The following NRXN2 variants were observed in gnomAD, a reference collection of about 807,000 sequenced individuals.
The protein encoded by NRXN2 is neurexin 2, also known as neurexin-2-beta.
In NRXN2, 29 loss-of-function variants were observed where a neutral mutation model predicts 128.8. The ratio of observed to expected loss-of-function variants is 0.23; its 90% CI spans 0.17 to 0.31. The LOEUF is 0.31. Ranked by LOEUF, NRXN2 falls within the 10% of genes least tolerant of loss-of-function variation. NRXN2 has a pLI of 1.00. For synonymous variants in NRXN2, 1,098 were observed against 1,075.2 expected (o/e 1.02, Z -0.41); for missense variants, 1,881 against 2,452.6 (o/e 0.77, Z 4.92).
At chr11:64,677,088 C>A in intron 6 of NRXN2, 51 bp from the exon 7 acceptor site, 1 of 1,172,034 alleles carries the variant, frequency 8.5e-7, no homozygotes, top group Non-Finnish European at 1.3e-6. Context: ...CAAAAAACAA[C>A]AACAAACACA....
At position 64,623,148 on chromosome 11, in the gene NRXN2, A is replaced by G; in HGVS notation, c.3848-70T>C. The G allele has an allele frequency of 6.5e-7, 1 of 1,527,756 alleles. No homozygotes were observed. The highest frequency in any genetic ancestry group is 8.8e-7 in the Non-Finnish European group (1 of 1,133,346). 94.6% of individuals were successfully genotyped at this position (1,527,756 alleles called of 1,614,324 possible). A position where few individuals can be genotyped will look rare whatever the true frequency, so the allele number is the denominator to read the frequency against. On this transcript the variant is annotated intron_variant, in intron 20 of 22. Coordinates refer to ENST00000265459, the MANE Select transcript of NRXN2 (RefSeq NM_015080.4). The surrounding 1 kb of genome is among the most constrained non-coding windows in gnomAD (Gnocchi z 4.9). ...GGGGAGACCAGGAAGGGAAGGAAGA[A>G]AAGAAGGAAGCCAAGGAGAGGAAAG...
intron 9 of NRXN2, 145 bp from the exon 10 acceptor site, chr11:64,661,284 G>A (rs1012550330): frequency 3.3e-6 from 5 of 1,529,404 alleles, no homozygotes; most frequent in Non-Finnish European, 4.4e-6. Flanking sequence ...GCAGTCCTGG[G>A]CTGGAAGCTC....
chr11:64,716,038 C>A (rs967950837), intron 1 of NRXN2, among the ~76,000 whole-genome samples: 4 of 152,112 alleles, frequency 2.6e-5, no homozygotes, highest in Non-Finnish European at 5.9e-5. Flanking sequence ...TAGCCAAAGA[C>A]CCTCAGCAAA....
chr11:64,661,387 C>T, intron 9 of NRXN2: 1 of 1,416,860 alleles, frequency 7.1e-7, no homozygotes, highest in African/African-American at 1.4e-5. Context: ...ATGCTGTGGG[C>T]CTCTGTCCAT....
chr11:64,667,104 A>AAG lies in NRXN2; in HGVS notation c.1798+144_1798+145dup. On this transcript the variant is annotated intron_variant, in intron 9 of 22. Coordinates refer to ENST00000265459, the MANE Select transcript of NRXN2 (RefSeq NM_015080.4). The surrounding 1 kb of genome is among the most constrained non-coding windows in gnomAD (Gnocchi z 5.6). ...TCCGATGACAGAAAGGACAATTGGG[A>AAG]AGACGTGAGGGGGGTGGAGGAGAAG... 1 of 833,896 alleles carries AAG rather than the reference A, an allele frequency of 1.2e-6. No individual in the cohort carries two copies. Among genetic ancestry groups the AAG allele is most frequent in the South Asian group, 1.5e-5 (1 of 68,928 alleles). The allele number at this position is 833,896 out of a possible 1,614,324, so 51.7% of individuals were successfully genotyped here.
Position 64,661,004 on chromosome 11 carries a change from A to C in NRXN2, c.1934T>G (p.Val645Gly). 1 of 1,613,392 alleles carries C rather than the reference A, an allele frequency of 6.2e-7. No individual in the cohort carries two copies. Among genetic ancestry groups the C allele is most frequent in the Non-Finnish European group, 8.5e-7 (1 of 1,179,896 alleles). ...GCCTGCCCGGAGTGCTGCTGTCCACACCTCTGGGGGCAGGGGCAGGTCCAC... is the reference window on the plus strand; with the variant it reads ...GCCTGCCCGGAGTGCTGCTGTCCACCCCTCTGGGGGCAGGGGCAGGTCCAC... ...GRVDLPLPPEVWTAALRAGYV... is the reference protein window; with the variant it reads ...GRVDLPLPPEGWTAALRAGYV... The change falls in exon 10 of 23, where the codon GTG becomes GGG. Residue 645 changes from valine to glycine, a missense_variant. Val to Gly is a moderately radical substitution (Grantham distance 109, BLOSUM62 -3). Around this residue, in one of 7 missense-constraint regions of NRXN2, gnomAD observed 997 missense variants for 1,240.8 expected, o/e 0.80. Transcript: ENST00000265459.
At chr11:64,682,219 C>T (rs2135555236) in intron 6 of NRXN2, among the ~76,000 whole-genome samples, 1 of 149,772 alleles carries the variant, frequency 6.7e-6, no homozygotes, top group East Asian at 2.0e-4. Flanking sequence ...AGGACTCTGC[C>T]CCTGGGGCAG....
chr11:64,611,863 C>T (rs1030887770), intron 22 of NRXN2, among the ~76,000 whole-genome samples: 5 of 152,092 alleles, frequency 3.3e-5, no homozygotes, highest in African/African-American at 1.2e-4. Flanking sequence ...AAGGCTTTGA[C>T]TGTACGATCT....
At chr11:64,718,600 G>C (rs1298989909) in intron 1 of NRXN2, among the ~76,000 whole-genome samples, 1 of 152,166 alleles carries the variant, frequency 6.6e-6, no homozygotes, top group Non-Finnish European at 1.5e-5. Context: ...TGAGTTCCCC[G>C]TCTGTGGGGG....
rs541791384 is a variant in NRXN2, at chr11:64,623,870, C to T, written c.3848-792G>A. ...AAACCCGCTCCAGCTCCAATCTCAC[C>T]CCACACTCCAGTATGACACCTCAGA... On this transcript the variant is annotated intron_variant, in intron 20 of 22. Coordinates refer to ENST00000265459, the MANE Select transcript of NRXN2 (RefSeq NM_015080.4). The surrounding 1 kb of genome is among the most constrained non-coding windows in gnomAD (Gnocchi z 4.9). 187 of 152,340 alleles carry T rather than the reference C, an allele frequency of 1.2e-3. No individual in the cohort carries two copies. The highest frequency in any genetic ancestry group is 2.5e-3 in the Non-Finnish European group (171 of 68,152). 9.4% of individuals were successfully genotyped at this position (152,340 alleles called of 1,614,324 possible).
At position 64,607,700 on chromosome 11, in the gene NRXN2, G is replaced by GC; in HGVS notation, c.4634dup (p.Ala1546ArgfsTer44). The stretch of plus-strand genomic sequence containing the variant: ...AGGGGGCAAACAGCACCCCAGGGGC[G>GC]CCCGTGGCCCCATCTGTCCTGAGGT... On this transcript the variant is annotated frameshift_variant, in exon 23 of 23. Coordinates refer to ENST00000265459, the MANE Select transcript of NRXN2 (RefSeq NM_015080.4). LOFTEE classifies it low-confidence loss of function (END_TRUNC). 1 of 1,544,190 alleles carries GC rather than the reference G, an allele frequency of 6.5e-7. No homozygotes were observed. The highest frequency in any genetic ancestry group is 8.8e-7 in the Non-Finnish European group (1 of 1,142,100).
chr11:64,664,531 T>C (rs542732848), intron 9 of NRXN2, among the ~76,000 whole-genome samples: 1 of 152,336 alleles, frequency 6.6e-6, no homozygotes, highest in South Asian at 2.1e-4. Flanking sequence ...TGTTTTATTT[T>C]TCATTTCTTT....
chr11:64,711,989 C>T (rs2056943294), intron 2 of NRXN2, among the ~76,000 whole-genome samples: 1 of 152,218 alleles, frequency 6.6e-6, no homozygotes, highest in Admixed American at 6.5e-5. Flanking sequence ...ACGCCTAGGC[C>T]CTCATCCCTT....
Position 64,667,518 on chromosome 11 carries a change from G to A in NRXN2, c.1530C>T (p.Ser510=), listed in dbSNP as rs200583929. 1.3e-5 allele frequency: 21 copies of A among 1,613,974 alleles called. No individual in the cohort carries two copies. The highest frequency in any genetic ancestry group is 3.3e-5 in the South Asian group (3 of 91,092). ...PEAFVALPRW[S]AKRTGSISLD... ...GGGAGATGGAGCCAGTGCGCTTAGC[G>A]CTCCAGCGGGGCAGCGCCACAAAGG... Residue 510 remains serine, a synonymous_variant, in exon 9 of 23, where the codon AGC becomes AGT. Transcript: ENST00000265459. This position sits in a 1 kb window ranked among gnomAD's most constrained non-coding sequence, Gnocchi z 5.6.
At chr11:64,718,303 GC>G (rs1181555025) in intron 1 of NRXN2, among the ~76,000 whole-genome samples, 2 of 152,014 alleles carry the variant, frequency 1.3e-5, no homozygotes, top group African/African-American at 4.8e-5. Context: ...ACAAACACAC[GC>G]CCATACACAC....
rs1450061976 is a variant in NRXN2 at position 64,648,512 on chromosome 11, G to A, written c.3284-174C>T. ...CAGGAGGGTCAGGTCTGCTAGGCTT[G>A]GCCTTGGACTGTGACAAGGGGCCAG... On this transcript the variant is annotated intron_variant, in intron 16 of 22. Transcript: ENST00000265459. The surrounding 1 kb of genome is among the most constrained non-coding windows in gnomAD (Gnocchi z 4.1). Among the ~76,000 whole-genome samples the A allele has an allele frequency of 2.0e-5, 3 of 152,228 alleles. No individual in the cohort carries two copies. Among genetic ancestry groups the A allele is most frequent in the African/African-American group, 7.2e-5 (3 of 41,454 alleles).
chr11:64,626,526 T>C lies in NRXN2; in HGVS notation c.3784A>G (p.Ile1262Val), dbSNP rs1404000801. ...AGNFDNERLA[I>V]ARQRIPYRLG... ...CGGTAGGGGATTCTCTGTCTAGCAATCGCCAGGCGCTCGTTATCAAAGTTT... is the reference window on the plus strand; with the variant it reads ...CGGTAGGGGATTCTCTGTCTAGCAACCGCCAGGCGCTCGTTATCAAAGTTT... The change falls in exon 20 of 23, where the codon ATT becomes GTT. Residue 1262 changes from isoleucine (I) to valine (V), a missense_variant. Coordinates refer to ENST00000265459, the MANE Select transcript of NRXN2 (RefSeq NM_015080.4). The C allele has an allele frequency of 1.2e-6, 2 of 1,614,004 alleles. No homozygotes were observed. Among genetic ancestry groups the C allele is most frequent in the Middle Eastern group, 1.6e-4 (1 of 6,084 alleles).
At chr11:64,661,213 C>A in intron 9 of NRXN2, 74 bp from the exon 10 acceptor site, 1 of 1,600,844 alleles carries the variant, frequency 6.2e-7, no homozygotes, top group Admixed American at 1.7e-5. Context: ...GCCAAGAAGG[C>A]CCCCCACCTT....
At chr11:64,711,754 A>G (rs186312111) in intron 2 of NRXN2, among the ~76,000 whole-genome samples, 29 of 152,162 alleles carry the variant, frequency 1.9e-4, no homozygotes, top group African/African-American at 7.0e-4. Context: ...TCATCAAGAG[A>G]GACTATTGGC....
Sources: allele counts gnomAD v4.1 joint callset (sites outside exome capture counted in the v4.1 genomes callset), GRCh38; gene constraint gnomAD v4.1.1; regional missense constraint gnomAD v4.1.1; non-coding constraint Gnocchi (gnomAD v3.1); transcripts MANE v1.5; gene names NCBI Gene and HGNC (gene_info 2026-07-23, HGNC 2026-07-21).